The following TUBGCP3 variants were observed in gnomAD, a reference collection of about 807,000 sequenced individuals.
The protein encoded by TUBGCP3 is gamma-tubulin complex component 3.
In TUBGCP3, 50 loss-of-function variants were observed where a neutral mutation model predicts 123.1. The observed-to-expected ratio is 0.41, with a 90% CI of 0.32 to 0.51. TUBGCP3 has a LOEUF of 0.51. Ranked by LOEUF, TUBGCP3 falls within the 20% of genes least tolerant of loss-of-function variation. The pLI is 0.36. For missense variants in TUBGCP3, 882 were observed against 1,127.0 expected (o/e 0.78, Z 3.11); for synonymous variants, 405 against 413.9 (o/e 0.98, Z 0.26).
rs147671592 is a variant in TUBGCP3 at position 112,574,948 on chromosome 13, G to C, written c.77-5689C>G. 3.3e-5 allele frequency among the ~76,000 whole-genome samples: 5 copies of C among 152,352 alleles called. No homozygotes were observed. The East Asian group carries it at 9.6e-4, about 29-fold the overall frequency. ...CCCAGCCAGGGCCCAGGTGGGGAGGGAGGGAGGAAGCACCACAGCTCTCCC... is the reference window on the plus strand; with the variant it reads ...CCCAGCCAGGGCCCAGGTGGGGAGGCAGGGAGGAAGCACCACAGCTCTCCC... On this transcript the variant is annotated intron_variant, in intron 1 of 21. Coordinates refer to ENST00000261965, the MANE Select transcript of TUBGCP3 (RefSeq NM_006322.6).
At chr13:112,576,283 C>T (rs1594226806) in intron 1 of TUBGCP3, among the ~76,000 whole-genome samples, 1 of 151,994 alleles carries the variant, frequency 6.6e-6, no homozygotes, top group African/African-American at 2.4e-5. Context: ...AGAAATCTCT[C>T]GGGGAAAAGC....
chr13:112,580,137 G>GT (rs1417952294), intron 1 of TUBGCP3, among the ~76,000 whole-genome samples: 1 of 152,142 alleles, frequency 6.6e-6, no homozygotes, highest in Non-Finnish European at 1.5e-5. Flanking sequence ...GACATACACA[G>GT]ACACAGGATG....
chr13:112,590,778 T>A (rs1425074063), upstream of TUBGCP3, among the ~76,000 whole-genome samples: 1 of 152,198 alleles, frequency 6.6e-6, no homozygotes, highest in Non-Finnish European at 1.5e-5. Context: ...GTTAGTAGAA[T>A]GCACAAGCAG....
chr13:112,600,155 C>T, the TUBGCP3 span, among the ~76,000 whole-genome samples: 1 of 152,148 alleles, frequency 6.6e-6, no homozygotes, highest in South Asian at 2.1e-4. Flanking sequence ...TTCCCAAAGA[C>T]GGCTGCAAAT....
intron 2 of TUBGCP3, among the ~76,000 whole-genome samples, chr13:112,567,471 T>A (rs1248704459): frequency 6.6e-6 from 1 of 152,238 alleles, no homozygotes; most frequent in East Asian, 1.9e-4. Context: ...TCAGTAATCA[T>A]CTAAAATGTG....
At position 112,556,123 on chromosome 13, in the gene TUBGCP3, G is replaced by A; in HGVS notation, c.650C>T (p.Thr217Ile). 1.9e-6 allele frequency: 3 copies of A among 1,614,088 alleles called. No individual in the cohort carries two copies. Among genetic ancestry groups the A allele is most frequent in the Non-Finnish European group, 2.5e-6 (3 of 1,179,998 alleles). ...LTANQPSSQA[T>I]TSKGVPSAVS... ...AGCACTGGGGACACCTTTTGAGGTA[G>A]TGGCTTGTGAAGAAGGCTGATTTGC... The change falls in exon 6 of 22, where the codon ACT becomes ATT. Residue 217 changes from threonine to isoleucine, a missense_variant. By Grantham distance (89) the Thr-to-Ile change is moderately conservative. Transcript: ENST00000261965.
intron 8 of TUBGCP3, 57 bp from the exon 9 acceptor site, chr13:112,548,233 T>C (rs1879229889): frequency 2.1e-6 from 3 of 1,401,196 alleles, no homozygotes; most frequent in Admixed American, 3.7e-5. Context: ...ATTGACTGAT[T>C]TTAAGTGGAA....
chr13:112,534,768 A>AT (rs371365188), intron 11 of TUBGCP3, among the ~76,000 whole-genome samples: 33 of 151,130 alleles, frequency 2.2e-4, no homozygotes, highest in Admixed American at 5.9e-4. Flanking sequence ...GAACTTCTAC[A>AT]TTTTTTTTTA....
rs980591736 is a variant in TUBGCP3, at chr13:112,511,721, C to T, written c.2086+4719G>A. Among the ~76,000 whole-genome samples, 1 of 152,112 alleles carries T rather than the reference C, an allele frequency of 6.6e-6. No individual in the cohort carries two copies. The highest frequency in any genetic ancestry group is 1.5e-5 in the Non-Finnish European group (1 of 68,020). ...TTAAACCTTCATTTACCTTATTATT[C>T]GATATATTGGGCCAAAACCAAATTT... On this transcript the variant is annotated intron_variant, in intron 17 of 21. Transcript: ENST00000261965. This position sits in a 1 kb window ranked among gnomAD's most constrained non-coding sequence, Gnocchi z 4.1.
intron 8 of TUBGCP3, 120 bp downstream of exon 8, chr13:112,553,937 C>T: frequency 4.1e-6 from 6 of 1,480,980 alleles, no homozygotes; most frequent in Admixed American, 2.3e-5. Flanking sequence ...AAAGTTGACT[C>T]TCAAAGCTGC....
chr13:112,520,092 C>A, intron 14 of TUBGCP3, 71 bp from the exon 15 acceptor site: 1 of 1,432,524 alleles, frequency 7.0e-7, no homozygotes, highest in Non-Finnish European at 9.4e-7. Flanking sequence ...AACGTATAAA[C>A]TATTAAAAGT....
rs182495198 is a variant in TUBGCP3, at chr13:112,578,730, C to T, written c.76+9175G>A. Among the ~76,000 whole-genome samples the T allele has an allele frequency of 3.2e-3, 483 of 152,186 alleles. 2 individuals are homozygous for T. The highest frequency in any genetic ancestry group is 5.6e-3 in the Non-Finnish European group (378 of 68,014). On this transcript the variant is annotated intron_variant, in intron 1 of 21. Coordinates refer to ENST00000261965, the MANE Select transcript of TUBGCP3 (RefSeq NM_006322.6). ...TTTGATCACCAATAAATAGTCTGGG[C>T]TTCCAGAGCTCAGGGCCTTCACAGC... is the stretch of plus-strand genomic sequence containing the variant.
chr13:112,550,836 C>T (rs760181319), intron 8 of TUBGCP3, among the ~76,000 whole-genome samples: 2 of 152,200 alleles, frequency 1.3e-5, no homozygotes, highest in South Asian at 2.1e-4. Flanking sequence ...CGGTGGCTCA[C>T]GCCTGTAATC....
chr13:112,599,043 A>C, the TUBGCP3 span, among the ~76,000 whole-genome samples: 2 of 152,184 alleles, frequency 1.3e-5, no homozygotes, highest in Non-Finnish European at 2.9e-5. Flanking sequence ...GAGGGATAAA[A>C]GAATATAAAG....
At chr13:112,552,176 C>T (rs554487529) in intron 8 of TUBGCP3, among the ~76,000 whole-genome samples, 20 of 152,326 alleles carry the variant, frequency 1.3e-4, no homozygotes, top group Non-Finnish European at 2.1e-4. Flanking sequence ...TAATATGATA[C>T]TACTATAGTG....
rs755723970 is a variant in TUBGCP3, at chr13:112,554,174, T to C, written c.849A>G (p.Leu283=). The C allele has an allele frequency of 1.6e-5, 26 of 1,613,428 alleles. No individual in the cohort carries two copies. The highest frequency in any genetic ancestry group is 2.2e-5 in the East Asian group (1 of 44,882). Residue 283 remains leucine, a synonymous_variant, in exon 8 of 22, where the codon CTA becomes CTG. Transcript: ENST00000261965. ...CTGCTGTGTCTCTCAAAGACCTACT[T>C]AGATTTGCCTAAAAAGTAAATACAT... ...NCYKVEGKAN[L]SRSLRDTAVR... is the part of the protein sequence containing the mutation.
intron 1 of TUBGCP3, among the ~76,000 whole-genome samples, chr13:112,571,607 C>T (rs1445798110): frequency 6.6e-6 from 1 of 152,216 alleles, no homozygotes; most frequent in Admixed American, 6.5e-5. Context: ...CAAGAGTCGG[C>T]TTATTCTTTG....
rs1228297454 is a variant in TUBGCP3, at chr13:112,489,704, A to C, written c.2449-7T>G. 6.2e-7 allele frequency: 1 copy of C among 1,605,530 alleles called. No homozygotes were observed. Among genetic ancestry groups the C allele is most frequent in the Non-Finnish European group, 8.5e-7 (1 of 1,172,096 alleles). On this transcript the variant is annotated splice_region_variant and splice_polypyrimidine_tract_variant and intron_variant, in intron 20 of 21. Transcript: ENST00000261965. Reference sequence around the variant, plus strand: ...CCGTCACTCCCCACTGGCCCTGAACAATCAAAAGTACCAAATGTCAGTAAA... The same window carrying C: ...CCGTCACTCCCCACTGGCCCTGAACCATCAAAAGTACCAAATGTCAGTAAA...
At chr13:112,486,453 A>T (rs1350137123) in intron 21 of TUBGCP3, among the ~76,000 whole-genome samples, 2 of 152,264 alleles carry the variant, frequency 1.3e-5, no homozygotes, top group Non-Finnish European at 2.9e-5. Flanking sequence ...AAGTTCCACA[A>T]GAATAAGCAA....
Sources: allele counts gnomAD v4.1 joint callset (sites outside exome capture counted in the v4.1 genomes callset), GRCh38; gene constraint gnomAD v4.1.1; non-coding constraint Gnocchi (gnomAD v3.1); transcripts MANE v1.5; gene names NCBI Gene and HGNC (gene_info 2026-07-23, HGNC 2026-07-21).